The following GMDS variants were observed in gnomAD, a reference collection of about 807,000 sequenced individuals.
GMDS encodes GDP-mannose 4,6-dehydratase, also known as GDP-mannose 4,6 dehydratase.
In GMDS, 20 loss-of-function variants were observed where a neutral mutation model predicts 49.9. The ratio of observed to expected loss-of-function variants is 0.40; its 90% confidence interval spans 0.28 to 0.58. The LOEUF is 0.58. Among genes scored for constraint, GMDS ranks in the 20% least tolerant of loss-of-function variants. The pLI is 0.42. For synonymous variants in GMDS, 177 were observed against 178.6 expected (o/e 0.99, Z 0.07); for missense variants, 362 against 481.4 (o/e 0.75, Z 2.32).
intron 1 of GMDS, among the ~76,000 whole-genome samples, chr6:2,187,169 G>T (rs1304044537): frequency 1.3e-5 from 2 of 152,204 alleles, no homozygotes; most frequent in Admixed American, 1.3e-4. Context: ...TCTGCACTGA[G>T]GCAGGAAGAT....
intron 1 of GMDS, among the ~76,000 whole-genome samples, chr6:2,156,785 G>A (rs1407875652): frequency 2.0e-5 from 3 of 151,670 alleles, no homozygotes; most frequent in African/African-American, 7.3e-5. Context: ...CTTCCTTTCT[G>A]AATATACATC....
Position 1,725,608 on chromosome 6 carries a change from T to G in GMDS, c.987+808A>C, listed in dbSNP as rs142176194. On this transcript the variant is annotated intron_variant, in intron 9 of 10. Transcript: ENST00000380815. The stretch of plus-strand genomic sequence containing the variant: ...GCTACCACACCCGGCTAATTTTGTA[T>G]TTTTAGTAGAGATGGGGTTTCACAT... Among the ~76,000 whole-genome samples, 426 of 152,260 alleles carry G rather than the reference T, an allele frequency of 2.8e-3. 1 individual carries two copies. The highest frequency in any genetic ancestry group is 4.3e-3 in the Non-Finnish European group (295 of 68,022).
In GMDS at chr6:1,961,998, T is replaced by C. The variant is rs114155593; in HGVS notation, c.346-1032A>G. 3.2e-3 allele frequency among the ~76,000 whole-genome samples: 484 copies of C among 152,348 alleles called. 4 individuals are homozygous for C. The highest frequency in any genetic ancestry group is 0.011 in the African/African-American group (461 of 41,592). ...CCGGGAAATCAAAAGAAAAAAAGTA[T>C]GTTTCATCCACAGTCTTTCAAAGGT... On this transcript the variant is annotated intron_variant, in intron 4 of 10. Coordinates refer to ENST00000380815, the MANE Select transcript of GMDS (RefSeq NM_001500.4).
At chr6:2,053,920 T>C (rs1172532366) in intron 4 of GMDS, among the ~76,000 whole-genome samples, 3 of 152,128 alleles carry the variant, frequency 2.0e-5, no homozygotes, top group Admixed American at 6.5e-5. Context: ...TCCTATTACA[T>C]ACACAATTAT....
At chr6:1,741,695 C>A (rs1441206047) in intron 8 of GMDS, among the ~76,000 whole-genome samples, 1 of 150,296 alleles carries the variant, frequency 6.7e-6, no homozygotes, top group African/African-American at 2.4e-5. Context: ...GCCTGTAATC[C>A]CAGCTACTTG....
At chr6:1,923,225 A>C (rs955824906) in intron 7 of GMDS, among the ~76,000 whole-genome samples, 6 of 152,056 alleles carry the variant, frequency 3.9e-5, no homozygotes, top group Non-Finnish European at 5.9e-5. Context: ...ACCATCCTTC[A>C]AGTGTCCACA....
At chr6:1,914,912 C>T (rs1271911244) in intron 7 of GMDS, among the ~76,000 whole-genome samples, 1 of 152,214 alleles carries the variant, frequency 6.6e-6, no homozygotes, top group African/African-American at 2.4e-5. Context: ...CCTGCTTAGG[C>T]CTGGGCAGAA....
At chr6:1,893,661 A>G (rs115329889) in intron 7 of GMDS, among the ~76,000 whole-genome samples, 3,083 of 152,320 alleles carry the variant, frequency 0.02, 108 homozygotes, top group African/African-American at 0.07. Flanking sequence ...TGAGGCAGCC[A>G]GGCCACCTCC....
chr6:1,900,309 A>T (rs996951970), intron 7 of GMDS, among the ~76,000 whole-genome samples: 1 of 152,218 alleles, frequency 6.6e-6, no homozygotes, highest in Admixed American at 6.5e-5. Flanking sequence ...CTGAGGCGTT[A>T]TCATGCAGAG....
chr6:2,220,458 T>A (rs1219185414), intron 1 of GMDS, among the ~76,000 whole-genome samples: 7 of 152,226 alleles, frequency 4.6e-5, no homozygotes, highest in Non-Finnish European at 1.0e-4. Flanking sequence ...AGTGCTTTAA[T>A]GTGAATAGAT....
chr6:1,953,155 C>T (rs1433511161), intron 6 of GMDS, among the ~76,000 whole-genome samples: 21 of 152,190 alleles, frequency 1.4e-4, no homozygotes, highest in Admixed American at 1.2e-3. Context: ...TGCCAACAGC[C>T]GGCAGCACAG....
At chr6:1,967,590 G>A (rs1328465854) in intron 4 of GMDS, among the ~76,000 whole-genome samples, 1 of 152,168 alleles carries the variant, frequency 6.6e-6, no homozygotes, top group Non-Finnish European at 1.5e-5. Flanking sequence ...TATATAAAGA[G>A]TCAGAACTCA....
Position 1,660,616 on chromosome 6 carries a change from T to C in GMDS, c.988-36076A>G, listed in dbSNP as rs191580794. Among the ~76,000 whole-genome samples, 120 of 151,072 alleles carry C rather than the reference T, an allele frequency of 7.9e-4. No homozygotes were observed. The Middle Eastern group carries it at 0.01, about 13-fold the overall frequency. On this transcript the variant is annotated intron_variant, in intron 9 of 10. Coordinates refer to ENST00000380815, the MANE Select transcript of GMDS (RefSeq NM_001500.4). Reference sequence around the variant, plus strand: ...ACAGGAATCACACCTCCGGTTCAAGTAGTCAGGCAGTGTGATGAAAGCTGC... The same window carrying C: ...ACAGGAATCACACCTCCGGTTCAAGCAGTCAGGCAGTGTGATGAAAGCTGC...
chr6:1,894,476 A>C (rs892754647), intron 7 of GMDS, among the ~76,000 whole-genome samples: 2 of 152,214 alleles, frequency 1.3e-5, no homozygotes, highest in African/African-American at 4.8e-5. Context: ...TAATATTAAA[A>C]CATTAAGAGA....
rs369927426 is a variant in GMDS at position 1,915,066 on chromosome 6, C to T, written c.771+15037G>A. Among the ~76,000 whole-genome samples, 60 of 152,342 alleles carry T rather than the reference C, an allele frequency of 3.9e-4. No individual in the cohort carries two copies. The South Asian group carries it at 5.6e-3, about 14-fold the overall frequency. On this transcript the variant is annotated intron_variant, in intron 7 of 10. Coordinates refer to ENST00000380815, the MANE Select transcript of GMDS (RefSeq NM_001500.4). ...TAAAGGGAGAGCAGCACGGAGGCCT[C>T]GCATGCCCTTAGACCTCGAACCATC...
intron 1 of GMDS, among the ~76,000 whole-genome samples, chr6:2,132,584 T>A (rs1199931868): frequency 6.6e-6 from 1 of 152,136 alleles, no homozygotes; most frequent in Non-Finnish European, 1.5e-5. Context: ...AGTAGATGCA[T>A]GAGTCATGGA....
intron 7 of GMDS, among the ~76,000 whole-genome samples, chr6:1,744,181 G>A (rs1402863655): frequency 6.6e-6 from 1 of 152,056 alleles, no homozygotes; most frequent in African/African-American, 2.4e-5. Context: ...TATTTCCTGT[G>A]TATGTTTTTG....
intron 1 of GMDS, among the ~76,000 whole-genome samples, chr6:2,168,352 C>T (rs114061413): frequency 0.012 from 1,777 of 152,314 alleles, 37 homozygotes; most frequent in African/African-American, 0.041. Context: ...ATGCGCACCA[C>T]TTTAAGGCCT....
At chr6:1,699,081 T>TCCATG (rs1270650049) in intron 9 of GMDS, among the ~76,000 whole-genome samples, 1 of 152,068 alleles carries the variant, frequency 6.6e-6, no homozygotes, top group Non-Finnish European at 1.5e-5. Context: ...TCTCTTAGTG[T>TCCATG]CCATGTGTGA....
Sources: allele counts gnomAD v4.1 joint callset (sites outside exome capture counted in the v4.1 genomes callset), GRCh38; gene constraint gnomAD v4.1.1; transcripts MANE v1.5; gene names NCBI Gene and HGNC (gene_info 2026-07-23, HGNC 2026-07-21).